C12orf42: variants seen among roughly 807,000 people sequenced by gnomAD.
The protein encoded by C12orf42 is uncharacterized protein C12orf42.
Under a neutral mutation model 21.6 loss-of-function variants are expected in C12orf42, and 25 were observed. The ratio of observed to expected loss-of-function variants is 1.16; its 90% CI spans 0.84 to 1.62. The LOEUF (loss-of-function observed/expected upper bound fraction) is 1.62. Among genes scored for constraint, C12orf42 ranks in the 40% most tolerant of loss-of-function variants. The pLI, the probability that C12orf42 is intolerant of heterozygous loss-of-function variation, is 0.00. For synonymous variants in C12orf42, 174 were observed against 175.0 expected, an observed-to-expected ratio of 0.99 and a Z score of 0.05; for missense variants, 483 against 459.3, an observed-to-expected ratio of 1.05 and a Z score of -0.47.
chr12:103,468,856 A>C (rs1326384557), intron 2 of C12orf42, among the ~76,000 whole-genome samples: 1 of 152,244 alleles, frequency 6.6e-6, no homozygotes, highest in Non-Finnish European at 1.5e-5. Flanking sequence ...GTGAGCCTTT[A>C]AGAGACATTT....
the C12orf42 span, among the ~76,000 whole-genome samples, chr12:103,530,738 T>C: frequency 1.3e-5 from 2 of 152,198 alleles, no homozygotes; most frequent in Non-Finnish European, 2.9e-5. Context: ...TCAGTGTGTG[T>C]TGAATAAATT....
the C12orf42 span, among the ~76,000 whole-genome samples, chr12:103,136,293 T>A: frequency 0.32 from 48,420 of 151,758 alleles, 8,150 homozygotes; most frequent in East Asian, 0.48. Flanking sequence ...ATATAAAATA[T>A]AACATGCCTG....
At chr12:103,475,788 A>T (rs905492404) in intron 2 of C12orf42, among the ~76,000 whole-genome samples, 1 of 152,244 alleles carries the variant, frequency 6.6e-6, no homozygotes, top group African/African-American at 2.4e-5. Flanking sequence ...TGTATTTCCA[A>T]AAGGCAATCT....
At chr12:103,132,583 A>G in the C12orf42 span, among the ~76,000 whole-genome samples, 1 of 152,196 alleles carries the variant, frequency 6.6e-6, no homozygotes, top group Non-Finnish European at 1.5e-5. Context: ...CACTCCCACC[A>G]GACTGCATAT....
At chr12:103,341,711 G>A (rs966673375) in intron 4 of C12orf42, among the ~76,000 whole-genome samples, 1 of 152,076 alleles carries the variant, frequency 6.6e-6, no homozygotes, top group Admixed American at 6.6e-5. Context: ...AACAGTGCAA[G>A]ACCTACCTAC....
chr12:103,396,485 A>G (rs1223324214), intron 3 of C12orf42: 1 of 152,250 alleles, frequency 6.6e-6, no homozygotes, highest in Non-Finnish European at 1.5e-5. Context: ...ACATAAATAC[A>G]TTATAATCTA....
the C12orf42 span, among the ~76,000 whole-genome samples, chr12:103,561,550 C>T: frequency 6.6e-6 from 1 of 152,118 alleles, no homozygotes; most frequent in Non-Finnish European, 1.5e-5. Context: ...AAGGACTTCG[C>T]CCTCATGACC....
intron 4 of C12orf42, chr12:103,349,054 G>T (rs1250521229): frequency 6.6e-6 from 1 of 152,134 alleles, no homozygotes; most frequent in Admixed American, 6.6e-5. Context: ...CTCTACTAAT[G>T]GTAGTCTCAT....
the C12orf42 span, among the ~76,000 whole-genome samples, chr12:103,182,599 C>G: frequency 2.6e-5 from 4 of 152,286 alleles, no homozygotes; most frequent in African/African-American, 9.6e-5. Context: ...GGCACACTAA[C>G]CACTAGGGGT....
At chr12:103,331,133 T>C (rs1052410266) in intron 4 of C12orf42, among the ~76,000 whole-genome samples, 1 of 152,222 alleles carries the variant, frequency 6.6e-6, no homozygotes, top group African/African-American at 2.4e-5. Context: ...GCATTTAATA[T>C]ATCTAACTTA....
chr12:103,507,156 AT>A, the C12orf42 span, among the ~76,000 whole-genome samples: 57 of 20,642 alleles, frequency 2.8e-3, 10 homozygotes, highest in African/African-American at 0.028. Flanking sequence ...ATATAAATAT[AT>A]ATATATAATA....
intron 10 of C12orf42, among the ~76,000 whole-genome samples, chr12:103,262,106 A>G (rs754780674): frequency 3.2e-4 from 49 of 152,248 alleles, no homozygotes; most frequent in Admixed American, 7.2e-4. Flanking sequence ...ACTAGTCACT[A>G]CTTATCATAA....
chr12:103,323,132 G>GTA (rs1460513393), intron 4 of C12orf42, among the ~76,000 whole-genome samples: 1 of 152,068 alleles, frequency 6.6e-6, no homozygotes, highest in Non-Finnish European at 1.5e-5. Flanking sequence ...ATACATATAT[G>GTA]TATATATATT....
intron 10 of C12orf42, among the ~76,000 whole-genome samples, chr12:103,260,938 T>C (rs886600011): frequency 6.6e-6 from 1 of 152,120 alleles, no homozygotes; most frequent in Non-Finnish European, 1.5e-5. Context: ...CTGAGAACAG[T>C]TTTTCTATTA....
intron 4 of C12orf42, among the ~76,000 whole-genome samples, chr12:103,318,333 T>TA (rs1383408673): frequency 6.6e-6 from 1 of 152,142 alleles, no homozygotes; most frequent in Non-Finnish European, 1.5e-5. Context: ...AACACCCTTG[T>TA]ATATGTCTTC....
At chr12:103,532,974 C>T in the C12orf42 span, among the ~76,000 whole-genome samples, 1 of 152,188 alleles carries the variant, frequency 6.6e-6, no homozygotes, top group African/African-American at 2.4e-5. Flanking sequence ...GCTGGCATGA[C>T]TGGAACCAAT....
At chr12:103,210,639 C>CTT in the C12orf42 span, among the ~76,000 whole-genome samples, 10 of 77,638 alleles carry the variant, frequency 1.3e-4, no homozygotes, top group Admixed American at 3.0e-4. Flanking sequence ...CCCTCTATTT[C>CTT]TTTTTTTTTT....
chr12:103,563,555 C>G, the C12orf42 span, among the ~76,000 whole-genome samples: 1 of 152,234 alleles, frequency 6.6e-6, no homozygotes, highest in Non-Finnish European at 1.5e-5. Context: ...AGGCATTCTG[C>G]TATCTCATCT....
At chr12:103,353,894 G>C (rs2043307810) in intron 4 of C12orf42, among the ~76,000 whole-genome samples, 1 of 152,158 alleles carries the variant, frequency 6.6e-6, no homozygotes, top group African/African-American at 2.4e-5. Context: ...GCTTTAGTGT[G>C]AGAGGAATGG....
Sources: allele counts gnomAD v4.1 joint callset (sites outside exome capture counted in the v4.1 genomes callset), GRCh38; gene constraint gnomAD v4.1.1; transcripts MANE v1.5; gene names NCBI Gene and HGNC (gene_info 2026-07-23, HGNC 2026-07-21).